The following PRKD3 variants were observed in gnomAD, a reference collection of about 807,000 sequenced individuals.
PRKD3 encodes the protein protein kinase D3.
In PRKD3, 47 loss-of-function variants were observed where a neutral mutation model predicts 99.2. The ratio of observed to expected loss-of-function variants is 0.47; its 90% confidence interval spans 0.38 to 0.60. The LOEUF (loss-of-function observed/expected upper bound fraction) is 0.60. Among genes scored for constraint, PRKD3 ranks in the 20% least tolerant of loss-of-function variants. The pLI, the probability that PRKD3 is intolerant of heterozygous loss-of-function variation, is 0.00. For missense variants in PRKD3, 1,019 were observed against 1,088.4 expected (o/e 0.94, Z 0.90); for synonymous variants, 392 against 355.4 (o/e 1.10, Z -1.16).
intron 2 of PRKD3, among the ~76,000 whole-genome samples, chr2:37,313,786 C>T (rs990786458): frequency 3.9e-5 from 6 of 152,188 alleles, no homozygotes; most frequent in Admixed American, 3.9e-4. Context: ...GATACACGTT[C>T]AGGGAGCTCC....
rs1350375679 is a variant in PRKD3, at chr2:37,287,262, AAAAAAG to A, written c.718-899_718-894del. 3.7e-3 allele frequency among the ~76,000 whole-genome samples: 299 copies of A among 80,392 alleles called. 12 individuals carry two copies. Among genetic ancestry groups the A allele is most frequent in the African/African-American group, 0.012 (233 of 18,722 alleles). 52.7% of individuals were successfully genotyped at this position (80,392 alleles called of 152,430 possible). Reference sequence around the variant, plus strand: ...AAAAAAAAAAAAAAAAAAAAAAAAAAAAAAAGAAAAAGAAAAAGAAAAAGAAAAATA... The same window carrying A: ...AAAAAAAAAAAAAAAAAAAAAAAAAAAAAAAGAAAAAGAAAAAGAAAAATA... On this transcript the variant is annotated intron_variant, in intron 5 of 18. Transcript: ENST00000234179.
chr2:37,261,949 C>G lies in PRKD3; in HGVS notation c.1885-1565G>C, dbSNP rs147583238. Among the ~76,000 whole-genome samples, 63 of 152,204 alleles carry G rather than the reference C, an allele frequency of 4.1e-4. 1 individual carries two copies. The highest frequency in any genetic ancestry group is 3.7e-3 in the Admixed American group (57 of 15,290). ...GTATTCATAAATTACATAAGATATT[C>G]AACACATTAGTGTAAAATGGTCTTT... On this transcript the variant is annotated intron_variant, in intron 14 of 18. Coordinates refer to ENST00000234179, the MANE Select transcript of PRKD3 (RefSeq NM_005813.6).
At position 37,282,037 on chromosome 2, in the gene PRKD3, G is replaced by C. The variant is rs1040005607; in HGVS notation, c.988+505C>G. Among the ~76,000 whole-genome samples the C allele has an allele frequency of 1.4e-4, 22 of 152,288 alleles. 1 individual carries two copies. Among genetic ancestry groups the C allele is most frequent in the South Asian group, 6.2e-4 (3 of 4,828 alleles). On this transcript the variant is annotated intron_variant, in intron 7 of 18. Coordinates refer to ENST00000234179, the MANE Select transcript of PRKD3 (RefSeq NM_005813.6). ...CTAATCACTAGGGACTAAGGAACCA[G>C]ACCATATGGGTTTAACTTCCAGCTC...
chr2:37,301,071 T>A (rs1433236605), intron 2 of PRKD3, among the ~76,000 whole-genome samples: 1 of 152,244 alleles, frequency 6.6e-6, no homozygotes, highest in African/African-American at 2.4e-5. Context: ...AGTGAATCTG[T>A]ATTTTCTTTT....
intron 10 of PRKD3, 151 bp from the exon 11 acceptor site, chr2:37,274,848 T>C (rs1016437895): frequency 7.6e-6 from 6 of 788,098 alleles, no homozygotes; most frequent in Non-Finnish European, 1.2e-5. Flanking sequence ...TCTTATGACA[T>C]GGCCTGTCTT....
At chr2:37,269,449 A>G in intron 13 of PRKD3, 166 bp downstream of exon 13, 1 of 617,364 alleles carries the variant, frequency 1.6e-6, no homozygotes, top group Non-Finnish European at 2.9e-6. Flanking sequence ...TTAAGGGAAG[A>G]ATACTCAAAT....
intron 17 of PRKD3, among the ~76,000 whole-genome samples, chr2:37,254,888 G>A (rs964842699): frequency 1.7e-4 from 26 of 152,114 alleles, no homozygotes; most frequent in African/African-American, 6.3e-4. Flanking sequence ...TAGTGTACAT[G>A]GTGAGTTCTT....
rs1421732674 is a variant in PRKD3, at chr2:37,280,015, T to G, written c.989-86A>C. On this transcript the variant is annotated intron_variant, in intron 7 of 18. Coordinates refer to ENST00000234179, the MANE Select transcript of PRKD3 (RefSeq NM_005813.6). ...GAAAAAAGTCTTAAGAGTCTTAAAA[T>G]GTAAGAAAATATCTTTATGAGTTAA... The G allele has an allele frequency of 4.6e-6, 4 of 878,598 alleles. No individual in the cohort carries two copies. In the African/African-American group the frequency reaches 5.3e-5, roughly 12 times the overall value. The allele number at this position is 878,598 out of a possible 1,614,324, so 54.4% of individuals were successfully genotyped here.
chr2:37,289,548 A>T (rs754716507), intron 4 of PRKD3, 35 bp from the exon 5 acceptor site: 35 of 1,490,250 alleles, frequency 2.3e-5, no homozygotes, highest in East Asian at 4.7e-5. Context: ...TATAAGATTT[A>T]AAAAAAAATT....
intron 4 of PRKD3, 44 bp from the exon 5 acceptor site, chr2:37,289,557 T>C: frequency 6.8e-7 from 1 of 1,468,212 alleles, no homozygotes; most frequent in South Asian, 1.3e-5. Flanking sequence ...TAAAAAAAAA[T>C]TTACTATTTA....
At chr2:37,267,618 G>T (rs1668936784) in intron 13 of PRKD3, 82 bp from the exon 14 acceptor site, 3 of 1,005,956 alleles carry the variant, frequency 3.0e-6, no homozygotes, top group East Asian at 2.4e-5. Flanking sequence ...AAATTTATAT[G>T]TATTTACTCT....
intron 3 of PRKD3, 67 bp from the exon 4 acceptor site, chr2:37,291,066 A>G: frequency 7.4e-7 from 1 of 1,358,072 alleles, no homozygotes; most frequent in Non-Finnish European, 9.9e-7. Context: ...GAATGCTCAC[A>G]CATTCACTTA....
At chr2:37,304,216 A>G (rs1481181618) in intron 2 of PRKD3, among the ~76,000 whole-genome samples, 3 of 150,690 alleles carry the variant, frequency 2.0e-5, no homozygotes, top group Admixed American at 6.6e-5. Flanking sequence ...AAAAAAAAAA[A>G]GAAGTGTTGA....
chr2:37,321,295 G>A (rs1671873410), intron 1 of PRKD3, among the ~76,000 whole-genome samples: 1 of 152,030 alleles, frequency 6.6e-6, no homozygotes, highest in Admixed American at 6.6e-5. Context: ...CCATTCAAAT[G>A]AGCTTACATA....
At chr2:37,272,609 T>C (rs1669340164) in intron 11 of PRKD3, among the ~76,000 whole-genome samples, 177 bp from the exon 12 acceptor site, 1 of 152,180 alleles carries the variant, frequency 6.6e-6, no homozygotes. Context: ...TAAAATATGA[T>C]ACATCCATAC....
chr2:37,303,525 C>A (rs1001292748), intron 2 of PRKD3, among the ~76,000 whole-genome samples: 9 of 151,592 alleles, frequency 5.9e-5, no homozygotes, highest in African/African-American at 2.2e-4. Context: ...CGCTGTGGGG[C>A]CCTTAGGTTG....
At chr2:37,303,190 C>T (rs974545794) in intron 2 of PRKD3, among the ~76,000 whole-genome samples, 2 of 152,042 alleles carry the variant, frequency 1.3e-5, no homozygotes, top group Admixed American at 6.5e-5. Flanking sequence ...GAGAAGATTA[C>T]CTGCCCGTCC....
intron 2 of PRKD3, among the ~76,000 whole-genome samples, chr2:37,306,547 A>G (rs1671176964): frequency 6.6e-6 from 1 of 152,200 alleles, no homozygotes; most frequent in Admixed American, 6.5e-5. Flanking sequence ...GGTGGCTCAC[A>G]CATGTAATCC....
At chr2:37,309,719 G>C (rs575032763) in intron 2 of PRKD3, among the ~76,000 whole-genome samples, 1 of 151,880 alleles carries the variant, frequency 6.6e-6, no homozygotes, top group East Asian at 1.9e-4. Flanking sequence ...GTGGTGGTGC[G>C]TGCCTATAAT....
Sources: gnomAD v4.1 joint callset for allele counts (sites outside exome capture counted in the v4.1 genomes callset) on GRCh38, gnomAD v4.1.1 for gene constraint, MANE v1.5 for transcripts, NCBI Gene and HGNC (gene_info 2026-07-23, HGNC 2026-07-21) for gene names.